Variants in KCNQ3 observed in about 807,000 individuals in gnomAD.
The protein encoded by KCNQ3 is potassium voltage-gated channel subfamily KQT member 3.
Under a neutral mutation model 92.5 loss-of-function variants are expected in KCNQ3, and 30 were observed. The ratio of observed to expected loss-of-function variants is 0.32; its 90% CI spans 0.24 to 0.44. The LOEUF (loss-of-function observed/expected upper bound fraction) is 0.44, where lower values mean the gene tolerates loss of function less well. KCNQ3 is among the 20% of genes least tolerant of loss of function. KCNQ3 has a pLI of 1.00. For missense variants in KCNQ3, 913 were observed against 1,140.3 expected (o/e 0.80, Z 2.87); for synonymous variants, 450 against 468.8 (o/e 0.96, Z 0.52).
intron 1 of KCNQ3, among the ~76,000 whole-genome samples, chr8:132,342,269 C>G (rs1339322866): frequency 1.3e-5 from 2 of 152,034 alleles, no homozygotes; most frequent in African/African-American, 4.8e-5. Flanking sequence ...TTCACCTCCC[C>G]CTCCCCCTGA....
intron 3 of KCNQ3, 109 bp from the exon 4 acceptor site, chr8:132,180,438 A>G: frequency 8.4e-7 from 1 of 1,190,390 alleles, no homozygotes; most frequent in Non-Finnish European, 1.2e-6. Flanking sequence ...TGTGCCAAGC[A>G]GTGGGACAAT....
At chr8:132,228,237 T>C (rs1814496307) in intron 1 of KCNQ3, among the ~76,000 whole-genome samples, 1 of 152,210 alleles carries the variant, frequency 6.6e-6, no homozygotes, top group African/African-American at 2.4e-5. Flanking sequence ...GGCCCTTTTT[T>C]TCAAGAATCC....
chr8:132,466,481 C>T (rs984009345), intron 1 of KCNQ3, among the ~76,000 whole-genome samples: 1 of 152,172 alleles, frequency 6.6e-6, no homozygotes, highest in Admixed American at 6.5e-5. Flanking sequence ...CCAGGAGCAC[C>T]GCTTAGGCAG....
chr8:132,306,134 C>A (rs1417333845), intron 1 of KCNQ3, among the ~76,000 whole-genome samples: 1 of 152,160 alleles, frequency 6.6e-6, no homozygotes, highest in Non-Finnish European at 1.5e-5. Flanking sequence ...CTTTCAAATT[C>A]AGATATCTGT....
At chr8:132,250,032 C>T (rs928614838) in intron 1 of KCNQ3, among the ~76,000 whole-genome samples, 3 of 152,150 alleles carry the variant, frequency 2.0e-5, no homozygotes, top group Admixed American at 1.3e-4. Context: ...CCCACCCGTG[C>T]CTCTCCCTCC....
chr8:132,188,296 T>C (rs779561453), intron 1 of KCNQ3, among the ~76,000 whole-genome samples: 2 of 152,228 alleles, frequency 1.3e-5, no homozygotes, highest in Non-Finnish European at 2.9e-5. Flanking sequence ...GGTGCTCTCA[T>C]ACAAACATGC....
intron 1 of KCNQ3, among the ~76,000 whole-genome samples, chr8:132,432,011 C>A (rs1388159580): frequency 1.3e-5 from 2 of 152,240 alleles, no homozygotes; most frequent in South Asian, 4.1e-4. Context: ...ATTTAAAGCA[C>A]ATCTCCCTCA....
In KCNQ3 at chr8:132,465,817, G is replaced by A. The variant is rs189982816; in HGVS notation, c.386+14330C>T. ...TCTCAGCTACTTGGGAGGCTGAGGC[G>A]GGAGGACTGCTTTGAGCCCAGGAGG... On this transcript the variant is annotated intron_variant, in intron 1 of 14. Coordinates refer to ENST00000388996, the MANE Select transcript of KCNQ3 (RefSeq NM_004519.4). 3.6e-3 allele frequency among the ~76,000 whole-genome samples: 545 copies of A among 152,082 alleles called. 4 individuals are homozygous for A. The highest frequency in any genetic ancestry group is 0.013 in the African/African-American group (521 of 41,498).
At chr8:132,292,629 C>T (rs1452147421) in intron 1 of KCNQ3, among the ~76,000 whole-genome samples, 2 of 151,962 alleles carry the variant, frequency 1.3e-5, no homozygotes, top group Non-Finnish European at 2.9e-5. Context: ...GGATATTCAT[C>T]TGTCTTAGGT....
At chr8:132,451,250 C>T (rs1821814376) in intron 1 of KCNQ3, among the ~76,000 whole-genome samples, 1 of 152,238 alleles carries the variant, frequency 6.6e-6, no homozygotes, top group Non-Finnish European at 1.5e-5. Context: ...TTCTCCTTTG[C>T]CTTCTGCCAT....
In KCNQ3 at chr8:132,301,012, C is replaced by T. The variant is rs377427424; in HGVS notation, c.387-114831G>A. On this transcript the variant is annotated intron_variant, in intron 1 of 14. Transcript: ENST00000388996. ...GCCAATGAAGAAAGAGAATATCATC[C>T]GTTTAGTCATTTTCCAGGTGCCTTC... is the stretch of plus-strand genomic sequence containing the variant. Among the ~76,000 whole-genome samples the T allele has an allele frequency of 3.4e-4, 52 of 152,210 alleles. 1 individual carries two copies. The South Asian group carries it at 0.01, about 30-fold the overall frequency.
In KCNQ3 at chr8:132,126,671, A is replaced by T. The variant is rs1251532118; in HGVS notation, c.*2591T>A. The T allele has an allele frequency of 6.6e-6, 1 of 152,090 alleles. No homozygotes were observed. Among genetic ancestry groups the T allele is most frequent in the Non-Finnish European group, 1.5e-5 (1 of 68,026 alleles). 9.4% of individuals were successfully genotyped at this position (152,090 alleles called of 1,614,324 possible). On this transcript the variant is annotated 3_prime_UTR_variant, in exon 15 of 15. Transcript: ENST00000388996. Reference sequence around the variant, plus strand: ...ATACTTCCCTACTACTGATCAATACAAACCCAATCTCTGCTGTCCTGGTCT... The same window carrying T: ...ATACTTCCCTACTACTGATCAATACTAACCCAATCTCTGCTGTCCTGGTCT...
At chr8:132,477,777 G>T (rs1282476120) in intron 1 of KCNQ3, among the ~76,000 whole-genome samples, 1 of 152,138 alleles carries the variant, frequency 6.6e-6, no homozygotes, top group East Asian at 1.9e-4. Context: ...AGCAAGGGGA[G>T]GCCAAGGAAT....
intron 1 of KCNQ3, among the ~76,000 whole-genome samples, chr8:132,371,144 AACCTT>A (rs2130737937): frequency 6.6e-6 from 1 of 152,260 alleles, no homozygotes; most frequent in Non-Finnish European, 1.5e-5. Flanking sequence ...ATCTTCTCAC[AACCTT>A]GCCTTATCTA....
chr8:132,308,248 C>T (rs536085141), intron 1 of KCNQ3, among the ~76,000 whole-genome samples: 15 of 152,280 alleles, frequency 9.9e-5, no homozygotes, highest in South Asian at 2.1e-4. Flanking sequence ...CTGAGTCCAC[C>T]GGCTTTCTTC....
chr8:132,385,170 A>T (rs928126755), intron 1 of KCNQ3, among the ~76,000 whole-genome samples: 1 of 152,350 alleles, frequency 6.6e-6, no homozygotes, highest in Non-Finnish European at 1.5e-5. Flanking sequence ...AACTTGAAAC[A>T]ATTCTGAGAG....
chr8:132,187,334 C>T (rs921521858), intron 1 of KCNQ3: 2 of 447,418 alleles, frequency 4.5e-6, no homozygotes, highest in Non-Finnish European at 9.0e-6. Flanking sequence ...AGAAAGTTGT[C>T]TCATGGTGTG....
rs530506549 is a variant in KCNQ3, at chr8:132,129,438, C to A, written c.2443G>T (p.Asp815Tyr). The A allele has an allele frequency of 2.2e-5, 35 of 1,614,232 alleles. 1 individual carries two copies. In the South Asian group the frequency reaches 3.6e-4, roughly 17 times the overall value. The change falls in exon 15 of 15, where the codon GAT (aspartate) becomes TAT (tyrosine). Residue 815 changes from aspartate to tyrosine, a missense_variant. Physicochemically the swap from Asp to Tyr is radical, Grantham distance 160. Around this residue, in one of 6 missense-constraint regions of KCNQ3, gnomAD observed 375 missense variants for 376.4 expected, o/e 1.00. Coordinates refer to ENST00000388996, the MANE Select transcript of KCNQ3 (RefSeq NM_004519.4). The surrounding 1 kb of genome is among the most constrained non-coding windows in gnomAD (Gnocchi z 5.9). ...CCCCCATTGGGGCCGAACACATAAT[C>A]ATCTCTGTCCTGGGAGATGCTGAAG... is the stretch of plus-strand genomic sequence containing the variant. ...SGFSISQDRD[D>Y]YVFGPNGGSS...
rs188898982 is a variant in KCNQ3 at position 132,424,428 on chromosome 8, C to T, written c.386+55719G>A. Among the ~76,000 whole-genome samples, 142 of 152,280 alleles carry T rather than the reference C, an allele frequency of 9.3e-4. 2 individuals carry two copies. The highest frequency in any genetic ancestry group is 2.2e-3 in the African/African-American group (93 of 41,562). ...CTCCCATCCCCCCAACCCTCTCATT[C>T]GACAGATGAGGAAACTGAGGCCCAG... On this transcript the variant is annotated intron_variant, in intron 1 of 14. Transcript: ENST00000388996.
Sources: allele counts gnomAD v4.1 joint callset (sites outside exome capture counted in the v4.1 genomes callset), GRCh38; gene constraint gnomAD v4.1.1; regional missense constraint gnomAD v4.1.1; non-coding constraint Gnocchi (gnomAD v3.1); transcripts MANE v1.5; gene names NCBI Gene and HGNC (gene_info 2026-07-23, HGNC 2026-07-21).